Variants in EEFSEC observed in about 807,000 individuals in gnomAD.
EEFSEC encodes eukaryotic elongation factor, selenocysteine-tRNA specific, also known as selenocysteine-specific elongation factor.
EEFSEC carries 43 observed loss-of-function variants against 42.1 expected under a neutral mutation model. The observed-to-expected ratio is 1.02, with a 90% CI of 0.80 to 1.32. The LOEUF (loss-of-function observed/expected upper bound fraction) is 1.32. EEFSEC is among the 40% of genes most tolerant of loss of function. The pLI is 0.00. For synonymous variants in EEFSEC, 354 were observed against 339.1 expected, an observed-to-expected ratio of 1.04 and a Z score of -0.48; for missense variants, 745 against 803.6, an observed-to-expected ratio of 0.93 and a Z score of 0.88.
intron 1 of EEFSEC, among the ~76,000 whole-genome samples, chr3:128,170,143 G>A (rs1289706348): frequency 3.3e-5 from 5 of 151,752 alleles, no homozygotes; most frequent in Admixed American, 1.3e-4. Context: ...CCCCCGCCCC[G>A]CCTCCCCCGC....
chr3:128,158,314 C>T (rs769844263), intron 1 of EEFSEC, among the ~76,000 whole-genome samples: 140 of 152,332 alleles, frequency 9.2e-4, no homozygotes, highest in Non-Finnish European at 1.4e-3. Context: ...TAGAATATTA[C>T]ATAAACTTAG....
intron 1 of EEFSEC, among the ~76,000 whole-genome samples, chr3:128,230,494 T>C (rs4494948): frequency 0.02 from 3,068 of 152,260 alleles, 164 homozygotes; most frequent in Admixed American, 0.12. Context: ...CTCTCCACTT[T>C]CTTTACTTTA....
At chr3:128,155,720 T>G (rs905137378) in intron 1 of EEFSEC, among the ~76,000 whole-genome samples, 1 of 152,234 alleles carries the variant, frequency 6.6e-6, no homozygotes, top group African/African-American at 2.4e-5. Flanking sequence ...TCACTGGGCA[T>G]TCTGGGTCCC....
At chr3:128,305,106 C>T (rs1303075043) in intron 4 of EEFSEC, among the ~76,000 whole-genome samples, 1 of 152,072 alleles carries the variant, frequency 6.6e-6, no homozygotes, top group Non-Finnish European at 1.5e-5. Flanking sequence ...AGGAAATACT[C>T]ATTTATTTTT....
At chr3:128,291,125 T>A (rs1463443790) in intron 4 of EEFSEC, among the ~76,000 whole-genome samples, 1 of 152,180 alleles carries the variant, frequency 6.6e-6, no homozygotes, top group African/African-American at 2.4e-5. Context: ...ATTTTTTTTT[T>A]ACTTTTTTGA....
intron 1 of EEFSEC, among the ~76,000 whole-genome samples, chr3:128,155,369 C>T (rs994297363): frequency 6.6e-6 from 1 of 152,070 alleles, no homozygotes; most frequent in African/African-American, 2.4e-5. Flanking sequence ...CCTCGGCCTC[C>T]CAAAGTGCTG....
chr3:128,211,236 G>T (rs149781359), intron 1 of EEFSEC, among the ~76,000 whole-genome samples: 1 of 152,132 alleles, frequency 6.6e-6, no homozygotes, highest in Non-Finnish European at 1.5e-5. Context: ...CTACAGAAAT[G>T]TAGGAAGGCT....
intron 6 of EEFSEC, among the ~76,000 whole-genome samples, chr3:128,374,388 GT>G (rs1341647418): frequency 6.6e-6 from 1 of 152,134 alleles, no homozygotes; most frequent in Admixed American, 6.5e-5. Flanking sequence ...TTTTCCCACT[GT>G]TTTTCGTTAT....
intron 1 of EEFSEC, among the ~76,000 whole-genome samples, chr3:128,156,177 A>G (rs868287155): frequency 1.6e-4 from 25 of 152,356 alleles, no homozygotes; most frequent in Middle Eastern, 6.8e-3. Context: ...CCTTAGCTGT[A>G]TGACGTTTGA....
chr3:128,247,281 G>A (rs148809806), intron 2 of EEFSEC, among the ~76,000 whole-genome samples: 2 of 152,360 alleles, frequency 1.3e-5, no homozygotes, highest in East Asian at 3.9e-4. Flanking sequence ...TGAGGCACAA[G>A]CCCTTCTGTG....
chr3:128,364,943 G>A (rs1199072762), intron 6 of EEFSEC, among the ~76,000 whole-genome samples: 1 of 152,224 alleles, frequency 6.6e-6, no homozygotes, highest in African/African-American at 2.4e-5. Context: ...GGGAGATCGA[G>A]CAGAGGGGCC....
intron 4 of EEFSEC, among the ~76,000 whole-genome samples, chr3:128,282,545 G>A (rs917507372): frequency 3.3e-5 from 5 of 152,216 alleles, no homozygotes; most frequent in African/African-American, 7.2e-5. Context: ...GCCAGGACAC[G>A]TGCACATGTG....
At chr3:128,156,585 C>T (rs1944385217) in intron 1 of EEFSEC, among the ~76,000 whole-genome samples, 1 of 152,234 alleles carries the variant, frequency 6.6e-6, no homozygotes, top group African/African-American at 2.4e-5. Context: ...TTATTCTTAA[C>T]AATATTTCAA....
intron 4 of EEFSEC, among the ~76,000 whole-genome samples, chr3:128,329,760 C>T (rs2067105957): frequency 6.6e-6 from 1 of 152,140 alleles, no homozygotes; most frequent in South Asian, 2.1e-4. Context: ...AGCAGCCTGC[C>T]CTGAGGGGCG....
chr3:128,397,370 G>A (rs530383713), intron 6 of EEFSEC, among the ~76,000 whole-genome samples: 2 of 152,328 alleles, frequency 1.3e-5, no homozygotes, highest in South Asian at 4.1e-4. Context: ...TGTGACCCCA[G>A]GCAACCACTG....
intron 4 of EEFSEC, among the ~76,000 whole-genome samples, chr3:128,324,169 A>G (rs1185424550): frequency 6.6e-6 from 1 of 152,224 alleles, no homozygotes; most frequent in African/African-American, 2.4e-5. Context: ...CCGAAGGGCC[A>G]GCAGTTGAGT....
intron 1 of EEFSEC, among the ~76,000 whole-genome samples, chr3:128,245,373 C>T (rs148280796): frequency 2.2e-4 from 33 of 152,326 alleles, no homozygotes; most frequent in African/African-American, 7.0e-4. Flanking sequence ...CAGTGTCCAT[C>T]CCCTCTGTGG....
At chr3:128,251,335 A>G (rs2066184566) in intron 2 of EEFSEC, among the ~76,000 whole-genome samples, 1 of 152,188 alleles carries the variant, frequency 6.6e-6, no homozygotes, top group Non-Finnish European at 1.5e-5. Context: ...ATAGATTTGC[A>G]GGTATGAGAT....
chr3:128,189,614 G>A (rs1183996636), intron 1 of EEFSEC, among the ~76,000 whole-genome samples: 2 of 149,344 alleles, frequency 1.3e-5, no homozygotes, highest in African/African-American at 5.0e-5. Flanking sequence ...CTGCAGTGCA[G>A]TGGCACCATC....
Sources: gnomAD v4.1 joint callset for allele counts (sites outside exome capture counted in the v4.1 genomes callset) on GRCh38, gnomAD v4.1.1 for gene constraint, MANE v1.5 for transcripts, NCBI Gene and HGNC (gene_info 2026-07-23, HGNC 2026-07-21) for gene names.